The following HIVEP2 variants were observed in gnomAD, a reference collection of about 807,000 sequenced individuals.
HIVEP2 encodes the protein HIVEP zinc finger 2, also known as transcription factor HIVEP2.
HIVEP2 carries 14 observed loss-of-function variants against 180.7 expected under a neutral mutation model. The observed-to-expected ratio is 0.08, with a 90% CI of 0.05 to 0.12. The LOEUF (loss-of-function observed/expected upper bound fraction) is 0.12. HIVEP2 is among the 10% of genes least tolerant of loss of function. The pLI, the probability that HIVEP2 is intolerant of heterozygous loss-of-function variation, is 1.00. For synonymous variants in HIVEP2, 1,184 were observed against 1,136.4 expected, an observed-to-expected ratio of 1.04 and a Z score of -0.84; for missense variants, 2,579 against 3,008.5, an observed-to-expected ratio of 0.86 and a Z score of 3.34.
At chr6:142,944,041 G>A (rs1273063128) in intron 1 of HIVEP2, among the ~76,000 whole-genome samples, 2 of 152,192 alleles carry the variant, frequency 1.3e-5, no homozygotes, top group East Asian at 1.9e-4. Flanking sequence ...AAGCTTTCCC[G>A]TTAGGGAAGA....
chr6:142,810,948 G>T (rs1052756627), intron 2 of HIVEP2, among the ~76,000 whole-genome samples: 2 of 151,908 alleles, frequency 1.3e-5, no homozygotes, highest in Non-Finnish European at 2.9e-5. Context: ...TTCAAAGCAG[G>T]TCAATAAGAG....
Position 142,770,282 on chromosome 6 carries a change from T to A in HIVEP2, c.4457A>T (p.Asp1486Val). ...CTGGGGTTTCTGGGGGCGGGAGAGG[T>A]CCTTTTTGATGTCTGAGTTGGTCAG... ...VELTNSDIKKDLSRPQKPQLV... is the reference protein window; with the variant it reads ...VELTNSDIKKVLSRPQKPQLV... Residue 1486 changes from aspartate (D) to valine (V), a missense_variant, in exon 5 of 10, where the codon GAC becomes GTC. Coordinates refer to ENST00000367603, the MANE Select transcript of HIVEP2 (RefSeq NM_006734.4). The surrounding 1 kb of genome is among the most constrained non-coding windows in gnomAD (Gnocchi z 4.7). The A allele has an allele frequency of 6.2e-7, 1 of 1,613,848 alleles. No homozygotes were observed. Among genetic ancestry groups the A allele is most frequent in the Non-Finnish European group, 8.5e-7 (1 of 1,179,970 alleles).
chr6:142,809,466 G>A (rs1776635937), intron 2 of HIVEP2, among the ~76,000 whole-genome samples: 2 of 152,128 alleles, frequency 1.3e-5, no homozygotes, highest in African/African-American at 4.8e-5. Flanking sequence ...AGTTGGCTTT[G>A]CTCATCTCTG....
At chr6:142,858,058 C>A (rs187109570) in intron 1 of HIVEP2, among the ~76,000 whole-genome samples, 93 of 152,258 alleles carry the variant, frequency 6.1e-4, no homozygotes, top group Admixed American at 1.4e-3. Context: ...GCTGTTCCCC[C>A]TAGAAGAGTA....
chr6:142,774,282 T>C lies in HIVEP2; in HGVS notation c.457A>G (p.Lys153Glu), dbSNP rs985905803. 19 of 1,614,052 alleles carry C rather than the reference T, an allele frequency of 1.2e-5. No homozygotes were observed. Among genetic ancestry groups the C allele is most frequent in the Non-Finnish European group, 1.6e-5 (19 of 1,180,054 alleles). The change falls in exon 5 of 10, where the codon AAA becomes GAA. Residue 153 changes from lysine (K) to glutamate (E), a missense_variant. By Grantham distance (56) the Lys-to-Glu change is moderately conservative. Coordinates refer to ENST00000367603, the MANE Select transcript of HIVEP2 (RefSeq NM_006734.4). The surrounding 1 kb of genome is among the most constrained non-coding windows in gnomAD (Gnocchi z 5.1). ...IHGHSGGYPR[K>E]KISSLNPAYS... ...GCAGGGTTCAGACTTGAAATCTTTT[T>C]TCTAGGATAACCACCACTGTGGCCA... is the stretch of plus-strand genomic sequence containing the variant.
intron 1 of HIVEP2, among the ~76,000 whole-genome samples, chr6:142,940,604 C>T (rs766323164): frequency 2.4e-4 from 36 of 152,212 alleles, no homozygotes; most frequent in Non-Finnish European, 4.6e-4. Flanking sequence ...TTACCTTTCT[C>T]TTATCAGCCC....
intron 3 of HIVEP2, among the ~76,000 whole-genome samples, chr6:142,777,508 C>T (rs908192709): frequency 1.3e-5 from 2 of 151,430 alleles, no homozygotes; most frequent in Admixed American, 6.6e-5. Flanking sequence ...ATTAGCCAGG[C>T]GTGGTGGTGC....
chr6:142,845,720 A>G (rs925970329), intron 1 of HIVEP2, among the ~76,000 whole-genome samples: 2 of 152,216 alleles, frequency 1.3e-5, no homozygotes, highest in South Asian at 2.1e-4. Context: ...GGTCGATGCA[A>G]TGTCCCCAGA....
chr6:142,771,533 A>G lies in HIVEP2; in HGVS notation c.3206T>C (p.Val1069Ala), dbSNP rs780307477. 1 of 1,613,730 alleles carries G rather than the reference A, an allele frequency of 6.2e-7. No individual in the cohort carries two copies. Among genetic ancestry groups the G allele is most frequent in the Non-Finnish European group, 8.5e-7 (1 of 1,180,038 alleles). Reference protein sequence around the residue: ...APVSGAAASTVSPSRERKKCF... With the variant: ...APVSGAAASTASPSRERKKCF... Reference sequence around the variant, plus strand: ...TTTCTTCCTCTCCCTGGACGGTGATACCGTGGAGGCTGCTGCTCCCGACAC... The same window carrying G: ...TTTCTTCCTCTCCCTGGACGGTGATGCCGTGGAGGCTGCTGCTCCCGACAC... The change falls in exon 5 of 10, where the codon GTA becomes GCA. Residue 1069 changes from valine to alanine, a missense_variant. This residue lies in a region of HIVEP2 where 523 missense variants were observed against 577.0 expected (regional missense o/e 0.91). Transcript: ENST00000367603. The surrounding 1 kb of genome is among the most constrained non-coding windows in gnomAD (Gnocchi z 5.4).
intron 2 of HIVEP2, among the ~76,000 whole-genome samples, chr6:142,835,659 C>T (rs1223267959): frequency 2.6e-5 from 4 of 152,076 alleles, no homozygotes; most frequent in Non-Finnish European, 4.4e-5. Context: ...ACCATGTGCC[C>T]ATAACAATGA....
chr6:142,826,766 A>G (rs902718239), intron 2 of HIVEP2, among the ~76,000 whole-genome samples: 1 of 152,208 alleles, frequency 6.6e-6, no homozygotes, highest in South Asian at 2.1e-4. Context: ...ACATTAGTAT[A>G]TAATACTCAC....
intron 9 of HIVEP2, among the ~76,000 whole-genome samples, chr6:142,758,488 G>A (rs1307517785): frequency 6.6e-6 from 1 of 152,154 alleles, no homozygotes; most frequent in Non-Finnish European, 1.5e-5. Context: ...TGTGAAGGAT[G>A]GTGCTGATGC....
intron 1 of HIVEP2, among the ~76,000 whole-genome samples, chr6:142,886,128 C>T (rs1179841968): frequency 6.6e-6 from 1 of 152,128 alleles, no homozygotes; most frequent in Non-Finnish European, 1.5e-5. Flanking sequence ...TGATCCTTTA[C>T]AGAAATAATT....
At chr6:142,844,663 C>A (rs1401496364) in intron 1 of HIVEP2, among the ~76,000 whole-genome samples, 1 of 152,168 alleles carries the variant, frequency 6.6e-6, no homozygotes, top group African/African-American at 2.4e-5. Context: ...TATTTCAAAG[C>A]ATCAAGGCTT....
At chr6:142,848,331 A>G (rs1325879353) in intron 1 of HIVEP2, among the ~76,000 whole-genome samples, 1 of 152,216 alleles carries the variant, frequency 6.6e-6, no homozygotes, top group Non-Finnish European at 1.5e-5. Flanking sequence ...AGTAAATGAA[A>G]ACATTCATAT....
At chr6:142,769,460 A>ATTTTT in intron 5 of HIVEP2, 92 bp downstream of exon 5, 1 of 995,736 alleles carries the variant, frequency 1.0e-6, no homozygotes, top group Non-Finnish European at 1.4e-6. Flanking sequence ...TTTTACTTGT[A>ATTTTT]TTTTTTTTTT....
chr6:142,893,082 T>C (rs754942174), intron 1 of HIVEP2, among the ~76,000 whole-genome samples: 8 of 152,148 alleles, frequency 5.3e-5, no homozygotes, highest in Non-Finnish European at 8.8e-5. Context: ...GTCCTTTCAT[T>C]CTCTATCCCA....
Position 142,774,142 on chromosome 6 carries a change from G to A in HIVEP2, c.597C>T (p.Ala199=). 6.2e-7 allele frequency: 1 copy of A among 1,614,114 alleles called. No individual in the cohort carries two copies. The highest frequency in any genetic ancestry group is 8.5e-7 in the Non-Finnish European group (1 of 1,180,034). ...TGTGTTTTTTCAGTACACTAGGTTT[G>A]GCACACGCTCTGCTGCAGTAAGGGC... The part of the protein sequence containing the change: ...YICPYCSRAC[A]KPSVLKKHIR... Residue 199 remains alanine (A), a synonymous_variant, in exon 5 of 10, where the codon GCC becomes GCT. Coordinates refer to ENST00000367603, the MANE Select transcript of HIVEP2 (RefSeq NM_006734.4). This position sits in a 1 kb window ranked among gnomAD's most constrained non-coding sequence, Gnocchi z 5.1.
chr6:142,934,068 A>G (rs975698461), intron 1 of HIVEP2, among the ~76,000 whole-genome samples: 2 of 152,238 alleles, frequency 1.3e-5, no homozygotes, highest in Admixed American at 1.3e-4. Flanking sequence ...TCTGAAAACA[A>G]TTACATAGGC....
Sources: allele counts gnomAD v4.1 joint callset (sites outside exome capture counted in the v4.1 genomes callset), GRCh38; gene constraint gnomAD v4.1.1; regional missense constraint gnomAD v4.1.1; non-coding constraint Gnocchi (gnomAD v3.1); transcripts MANE v1.5; gene names NCBI Gene and HGNC (gene_info 2026-07-23, HGNC 2026-07-21).